The following EDIL3 variants were observed in gnomAD, a reference collection of about 807,000 sequenced individuals.
EDIL3 encodes EGF-like repeat and discoidin I-like domain-containing protein 3.
EDIL3 carries 37 observed loss-of-function variants against 67.4 expected under a neutral mutation model. The observed-to-expected ratio is 0.55, with a 90% CI of 0.42 to 0.72. The LOEUF is 0.72. Ranked by LOEUF, EDIL3 falls within the 30% of genes least tolerant of loss-of-function variation. The probability of loss-of-function intolerance (pLI) is 0.00; values close to 1 mark genes in which losing one functional copy is unlikely to be tolerated. For missense variants in EDIL3, 527 were observed against 586.3 expected (o/e 0.90, Z 1.04); for synonymous variants, 195 against 196.3 (o/e 0.99, Z 0.05).
At chr5:84,226,058 T>C (rs1744446552) in intron 3 of EDIL3, among the ~76,000 whole-genome samples, 1 of 151,648 alleles carries the variant, frequency 6.6e-6, no homozygotes, top group Admixed American at 6.6e-5. Flanking sequence ...AATTAACATA[T>C]ATATTTGAAG....
intron 1 of EDIL3, among the ~76,000 whole-genome samples, chr5:84,322,937 T>C (rs982610420): frequency 1.3e-5 from 2 of 151,712 alleles, no homozygotes; most frequent in African/African-American, 4.8e-5. Flanking sequence ...AGAAAAAAAA[T>C]GTCAATCAAG....
intron 6 of EDIL3, among the ~76,000 whole-genome samples, chr5:84,102,630 A>AAAAC (rs1747388194): frequency 2.6e-5 from 4 of 151,634 alleles, no homozygotes; most frequent in African/African-American, 9.7e-5. Flanking sequence ...CAAAACAAAA[A>AAAAC]AAAAACGAAA....
intron 10 of EDIL3, among the ~76,000 whole-genome samples, chr5:83,958,120 GAAT>G (rs1744547007): frequency 6.6e-6 from 1 of 151,528 alleles, no homozygotes; most frequent in African/African-American, 2.4e-5. Flanking sequence ...AAGTCCTAAA[GAAT>G]AATAATAAAT....
chr5:84,140,108 T>C (rs986293526), intron 4 of EDIL3, among the ~76,000 whole-genome samples: 1 of 152,154 alleles, frequency 6.6e-6, no homozygotes, highest in Non-Finnish European at 1.5e-5. Flanking sequence ...CCTTCTACTT[T>C]AGAAGAACCT....
At chr5:84,325,132 T>C (rs1369828273) in intron 1 of EDIL3, among the ~76,000 whole-genome samples, 1 of 151,826 alleles carries the variant, frequency 6.6e-6, no homozygotes, top group African/African-American at 2.4e-5. Context: ...ATAGACAAAA[T>C]GAACTACATG....
At chr5:84,234,246 C>T (rs1744637561) in intron 2 of EDIL3, among the ~76,000 whole-genome samples, 1 of 152,142 alleles carries the variant, frequency 6.6e-6, no homozygotes, top group Non-Finnish European at 1.5e-5. Context: ...ATACAATAAA[C>T]CTATTCCTTG....
rs531212223 is a variant in EDIL3 at position 84,011,758 on chromosome 5, C to T, written c.1138-48398G>A. ...AGGGTCTTGACTTTTGCCTTTCTCC[C>T]CAAAACTTATATTGTGTGGCTTGCT... On this transcript the variant is annotated intron_variant, in intron 9 of 10. Transcript: ENST00000296591. Among the ~76,000 whole-genome samples the T allele has an allele frequency of 3.5e-4, 54 of 152,154 alleles. No homozygotes were observed. The Middle Eastern group carries it at 0.027, about 77-fold the overall frequency.
In EDIL3 at chr5:84,137,182, C is replaced by CATAT. The variant is rs375751851; in HGVS notation, c.469+58_469+59insATAT. Reference sequence around the variant, plus strand: ...GCATACATATATGTGTGTGTGTATACATACACACACACACACACACACACA... The same window carrying CATAT: ...GCATACATATATGTGTGTGTGTATACATATATACACACACACACACACACACACA... On this transcript the variant is annotated intron_variant, in intron 5 of 10. Transcript: ENST00000296591. 9 of 844,640 alleles carry CATAT rather than the reference C, an allele frequency of 1.1e-5. 1 individual carries two copies. Among genetic ancestry groups the CATAT allele is most frequent in the African/African-American group, 4.6e-5 (2 of 43,552 alleles). 52.3% of individuals were successfully genotyped at this position (844,640 alleles called of 1,614,324 possible).
Position 83,941,621 on chromosome 5 carries a change from A to C in EDIL3, c.*1798T>G, listed in dbSNP as rs1346815327. The stretch of plus-strand genomic sequence containing the variant: ...TTTAGCCAGTTACAAATATTTTAAA[A>C]TCCTAACTTTAAAGTTATCTAAAAA... On this transcript the variant is annotated 3_prime_UTR_variant, in exon 11 of 11. Coordinates refer to ENST00000296591, the MANE Select transcript of EDIL3 (RefSeq NM_005711.5). The C allele has an allele frequency of 6.6e-6, 1 of 151,974 alleles. No individual in the cohort carries two copies. The highest frequency in any genetic ancestry group is 6.6e-5 in the Admixed American group (1 of 15,230). 9.4% of individuals were successfully genotyped at this position (151,974 alleles called of 1,614,324 possible).
At chr5:84,171,472 G>T (rs562087740) in intron 4 of EDIL3, among the ~76,000 whole-genome samples, 1 of 152,150 alleles carries the variant, frequency 6.6e-6, no homozygotes, top group Non-Finnish European at 1.5e-5. Context: ...TAGGTTATGG[G>T]CTAAAAGTTG....
intron 3 of EDIL3, among the ~76,000 whole-genome samples, chr5:84,213,569 C>T (rs575318933): frequency 6.6e-6 from 1 of 152,072 alleles, no homozygotes; most frequent in South Asian, 2.1e-4. Flanking sequence ...TTAAAAGCAA[C>T]CAATAATGTT....
At chr5:84,232,895 A>G (rs1425020272) in intron 2 of EDIL3, among the ~76,000 whole-genome samples, 1 of 152,186 alleles carries the variant, frequency 6.6e-6, no homozygotes, top group East Asian at 1.9e-4. Context: ...AATAAACCTC[A>G]AAGTGGGCAT....
chr5:84,207,578 C>T lies in EDIL3; in HGVS notation c.226+22277G>A, dbSNP rs867761412. Among the ~76,000 whole-genome samples the T allele has an allele frequency of 5.2e-4, 78 of 151,292 alleles. 1 individual carries two copies. The highest frequency in any genetic ancestry group is 3.4e-3 in the Middle Eastern group (1 of 294). On this transcript the variant is annotated intron_variant, in intron 3 of 10. Coordinates refer to ENST00000296591, the MANE Select transcript of EDIL3 (RefSeq NM_005711.5). ...GTTCATATGGAACCAAAAAAGAGCCCGCATCGCCAAGTCAATCCTAAGCCA... is the reference window on the plus strand; with the variant it reads ...GTTCATATGGAACCAAAAAAGAGCCTGCATCGCCAAGTCAATCCTAAGCCA...
At position 84,283,803 on chromosome 5, in the gene EDIL3, A is replaced by T. The variant is rs116277393; in HGVS notation, c.68-29591T>A. Among the ~76,000 whole-genome samples, 569 of 152,172 alleles carry T rather than the reference A, an allele frequency of 3.7e-3. 2 individuals carry two copies. The highest frequency in any genetic ancestry group is 0.013 in the African/African-American group (531 of 41,518). On this transcript the variant is annotated intron_variant, in intron 1 of 10. Transcript: ENST00000296591. ...TGTTTGTTTTGTTTGCCCACCAGGTATCTTAAGTCATATGTCTCTATGAGA... is the reference window on the plus strand; with the variant it reads ...TGTTTGTTTTGTTTGCCCACCAGGTTTCTTAAGTCATATGTCTCTATGAGA...
intron 1 of EDIL3, among the ~76,000 whole-genome samples, chr5:84,304,734 T>G (rs1253852585): frequency 6.6e-6 from 1 of 152,204 alleles, no homozygotes; most frequent in East Asian, 1.9e-4. Context: ...TATTTATGAC[T>G]AAACCTTTGA....
chr5:84,161,505 T>A (rs1437254718), intron 4 of EDIL3, among the ~76,000 whole-genome samples: 1 of 152,032 alleles, frequency 6.6e-6, no homozygotes, highest in African/African-American at 2.4e-5. Context: ...AACAAAAGCA[T>A]CCTTTACCTA....
At chr5:84,062,654 A>G (rs781450136) in intron 8 of EDIL3, among the ~76,000 whole-genome samples, 2 of 152,136 alleles carry the variant, frequency 1.3e-5, no homozygotes, top group African/African-American at 2.4e-5. Flanking sequence ...GATGATCTTC[A>G]AAAGTGTTTG....
In EDIL3 at chr5:84,137,225, A is replaced by G; in HGVS notation, c.469+16T>C. The G allele has an allele frequency of 1.3e-6, 2 of 1,585,892 alleles. No homozygotes were observed. The highest frequency in any genetic ancestry group is 2.2e-5 in the South Asian group (2 of 90,322). ...CACACACACACACACACACATACAC[A>G]CACGTGAATACTTACTGTATTGACA... On this transcript the variant is annotated intron_variant, in intron 5 of 10. Transcript: ENST00000296591.
intron 9 of EDIL3, among the ~76,000 whole-genome samples, chr5:83,981,744 A>G (rs1444728591): frequency 6.6e-6 from 1 of 152,056 alleles, no homozygotes; most frequent in Non-Finnish European, 1.5e-5. Flanking sequence ...AAAATCAAAT[A>G]TCTTTATTTT....
Sources: gnomAD v4.1 joint callset for allele counts (sites outside exome capture counted in the v4.1 genomes callset) on GRCh38, gnomAD v4.1.1 for gene constraint, MANE v1.5 for transcripts, NCBI Gene and HGNC (gene_info 2026-07-23, HGNC 2026-07-21) for gene names.